The following NALF1 variants were observed in gnomAD, a reference collection of about 807,000 sequenced individuals.
NALF1 encodes the protein NALCN channel auxiliary factor 1.
A neutral mutation model predicts 48.4 loss-of-function variants in NALF1; 3 were observed. The observed-to-expected ratio is 0.06, with a 90% CI of 0.03 to 0.16. NALF1 has a LOEUF of 0.16. NALF1 is among the 10% of genes least tolerant of loss of function. The pLI, the probability that NALF1 is intolerant of heterozygous loss-of-function variation, is 1.00. For missense variants in NALF1, 526 were observed against 571.5 expected (o/e 0.92, Z 0.81); for synonymous variants, 262 against 245.7 (o/e 1.07, Z -0.62).
chr13:107,337,982 A>G (rs969845640), intron 1 of NALF1, among the ~76,000 whole-genome samples: 1 of 152,204 alleles, frequency 6.6e-6, no homozygotes, highest in Non-Finnish European at 1.5e-5. Flanking sequence ...ATGCTGGGAA[A>G]ATCTGGCATT....
At chr13:107,493,692 C>T (rs769021616) in intron 1 of NALF1, among the ~76,000 whole-genome samples, 5 of 151,972 alleles carry the variant, frequency 3.3e-5, no homozygotes, top group African/African-American at 7.3e-5. Context: ...GCCTGGGCAA[C>T]GTGGTGAAAT....
chr13:107,332,530 A>C (rs1204737651), intron 1 of NALF1, among the ~76,000 whole-genome samples: 2 of 152,256 alleles, frequency 1.3e-5, no homozygotes, highest in Non-Finnish European at 2.9e-5. Context: ...ATGGCCCCTC[A>C]GGAGCAGCTG....
intron 1 of NALF1, among the ~76,000 whole-genome samples, chr13:107,791,365 A>AGCTG (rs1878226349): frequency 6.6e-6 from 1 of 152,070 alleles, no homozygotes; most frequent in Admixed American, 6.5e-5. Context: ...CTAGCTAGCT[A>AGCTG]GCTAGCTATC....
chr13:107,653,043 T>C (rs1325125929), intron 1 of NALF1, among the ~76,000 whole-genome samples: 1 of 152,172 alleles, frequency 6.6e-6, no homozygotes, highest in African/African-American at 2.4e-5. Flanking sequence ...ACTTCATTCA[T>C]AAACAATGGC....
intron 1 of NALF1, among the ~76,000 whole-genome samples, chr13:107,233,050 T>G (rs1880260190): frequency 6.6e-6 from 1 of 152,250 alleles, no homozygotes; most frequent in Admixed American, 6.5e-5. Context: ...CCGGCTGTAC[T>G]GCTTCTCTTT....
At chr13:107,260,978 T>C (rs1280394013) in intron 1 of NALF1, among the ~76,000 whole-genome samples, 2 of 152,184 alleles carry the variant, frequency 1.3e-5, no homozygotes, top group African/African-American at 2.4e-5. Context: ...ATTTCGAAGA[T>C]GGTTATCTCC....
chr13:107,641,874 C>A (rs1308572187), intron 1 of NALF1, among the ~76,000 whole-genome samples: 2 of 152,134 alleles, frequency 1.3e-5, no homozygotes, highest in Admixed American at 6.6e-5. Flanking sequence ...ATATTACAAC[C>A]CCCTGGAAAA....
intron 1 of NALF1, among the ~76,000 whole-genome samples, chr13:107,337,551 TC>T (rs1462224615): frequency 6.6e-6 from 1 of 152,118 alleles, no homozygotes; most frequent in Non-Finnish European, 1.5e-5. Context: ...TGAATACTTT[TC>T]CTTCACATCA....
chr13:107,666,298 G>T (rs2138481664), intron 1 of NALF1, among the ~76,000 whole-genome samples: 1 of 152,054 alleles, frequency 6.6e-6, no homozygotes, highest in Admixed American at 6.6e-5. Flanking sequence ...TGTTCTTATT[G>T]GTGGTCCACT....
intron 1 of NALF1, among the ~76,000 whole-genome samples, chr13:107,388,669 G>T (rs890251837): frequency 1.3e-5 from 2 of 152,158 alleles, no homozygotes; most frequent in Non-Finnish European, 2.9e-5. Flanking sequence ...AAGCAAGTAA[G>T]TGTACTCCAT....
At chr13:107,520,055 G>A (rs1876186785) in intron 1 of NALF1, among the ~76,000 whole-genome samples, 1 of 152,142 alleles carries the variant, frequency 6.6e-6, no homozygotes, top group African/African-American at 2.4e-5. Flanking sequence ...GATCTTTAGT[G>A]TCTTCTGTCA....
At chr13:107,475,865 G>C (rs1011839044) in intron 1 of NALF1, among the ~76,000 whole-genome samples, 2 of 152,088 alleles carry the variant, frequency 1.3e-5, no homozygotes, top group Non-Finnish European at 2.9e-5. Context: ...CATACCTAAA[G>C]TCTTCATCCA....
At chr13:107,259,600 C>T (rs2138852940) in intron 1 of NALF1, among the ~76,000 whole-genome samples, 1 of 152,282 alleles carries the variant, frequency 6.6e-6, no homozygotes, top group East Asian at 1.9e-4. Context: ...ATGAACAAAT[C>T]AGTAGAAGAG....
chr13:107,665,710 AAT>A (rs1318386228), intron 1 of NALF1, among the ~76,000 whole-genome samples: 2 of 152,164 alleles, frequency 1.3e-5, no homozygotes, highest in African/African-American at 4.8e-5. Context: ...TGCTTTCAAA[AAT>A]ATTGGAAATA....
At chr13:107,830,642 G>T (rs1247122911) in intron 1 of NALF1, among the ~76,000 whole-genome samples, 1 of 152,246 alleles carries the variant, frequency 6.6e-6, no homozygotes, top group South Asian at 2.1e-4. Flanking sequence ...GGAGCGGGGG[G>T]AGGATTCTTG....
intron 1 of NALF1, among the ~76,000 whole-genome samples, chr13:107,540,778 T>G (rs1876976997): frequency 6.6e-6 from 1 of 152,158 alleles, no homozygotes; most frequent in Non-Finnish European, 1.5e-5. Flanking sequence ...CATATGTATG[T>G]GGTGATGTAT....
intron 1 of NALF1, among the ~76,000 whole-genome samples, chr13:107,540,269 A>G (rs761228105): frequency 1.9e-4 from 29 of 151,970 alleles, no homozygotes; most frequent in Non-Finnish European, 3.5e-4. Context: ...CTGAGAGGAA[A>G]TGGAATTCCA....
chr13:107,582,279 G>C (rs942562105), intron 1 of NALF1, among the ~76,000 whole-genome samples: 1 of 152,180 alleles, frequency 6.6e-6, no homozygotes, highest in Non-Finnish European at 1.5e-5. Flanking sequence ...CATGGGCCCT[G>C]CTTTGTCCAT....
chr13:107,311,740 C>A lies in NALF1; in HGVS notation c.916-100985G>T, dbSNP rs530123666. Among the ~76,000 whole-genome samples the A allele has an allele frequency of 5.9e-5, 9 of 152,080 alleles. No individual in the cohort carries two copies. In the East Asian group the frequency reaches 1.5e-3, roughly 26 times the overall value. On this transcript the variant is annotated intron_variant, in intron 1 of 2. Coordinates refer to ENST00000375915, the MANE Select transcript of NALF1 (RefSeq NM_001080396.3). ...AATTTACAAGAAAAAAAACAAACAA[C>A]CCCATCAACAAGTTGGCGAAGGATA... is the stretch of plus-strand genomic sequence containing the variant.
Sources: allele counts gnomAD v4.1 joint callset (sites outside exome capture counted in the v4.1 genomes callset), GRCh38; gene constraint gnomAD v4.1.1; transcripts MANE v1.5; gene names NCBI Gene and HGNC (gene_info 2026-07-23, HGNC 2026-07-21).